The following SSBP3 variants were observed in gnomAD, a reference collection of about 807,000 sequenced individuals.
SSBP3 encodes single-stranded DNA-binding protein 3.
Under a neutral mutation model 69.6 loss-of-function variants are expected in SSBP3, and 5 were observed. The observed-to-expected ratio is 0.07, with a 90% CI of 0.04 to 0.15. SSBP3 has a LOEUF of 0.15. SSBP3 is among the 10% of genes least tolerant of loss of function. The probability of loss-of-function intolerance (pLI) is 1.00; values close to 1 mark genes in which losing one functional copy is unlikely to be tolerated. For missense variants in SSBP3, 312 were observed against 534.0 expected (o/e 0.58, Z 4.10); for synonymous variants, 196 against 193.4 (o/e 1.01, Z -0.11).
rs1488079462 is a variant in SSBP3, at chr1:54,266,706, TAGTGACATTAAGGCATTAATTA to T, written c.367-8579_367-8558del. On this transcript the variant is annotated intron_variant, in intron 5 of 17. Coordinates refer to ENST00000610401, the Ensembl canonical transcript of SSBP3. ...TTTACAAAGGGGGAAAACTGAAGTA[TAGTGACATTAAGGCATTAATTA>T]TCAGAGCCAAGATGTTATGCCCCTG... 1.7e-3 allele frequency among the ~76,000 whole-genome samples: 252 copies of T among 152,342 alleles called. 1 individual carries two copies. Among genetic ancestry groups the T allele is most frequent in the African/African-American group, 5.6e-3 (232 of 41,568 alleles).
chr1:54,390,364 G>A (rs1648396610), intron 4 of SSBP3, among the ~76,000 whole-genome samples: 1 of 152,046 alleles, frequency 6.6e-6, no homozygotes, highest in Non-Finnish European at 1.5e-5. Context: ...GGGACCCGCG[G>A]CAAACATCCT....
intron 4 of SSBP3, among the ~76,000 whole-genome samples, chr1:54,384,496 G>A (rs933120018): frequency 1.3e-5 from 2 of 152,244 alleles, no homozygotes; most frequent in Non-Finnish European, 2.9e-5. Flanking sequence ...CAGTTTACAA[G>A]ACCCACCATG....
rs114423997 is a variant in SSBP3, at chr1:54,387,457, C to A, written c.276+14404G>T. Among the ~76,000 whole-genome samples, 689 of 152,216 alleles carry A rather than the reference C, an allele frequency of 4.5e-3. 6 individuals carry two copies. Among genetic ancestry groups the A allele is most frequent in the African/African-American group, 0.016 (653 of 41,520 alleles). ...CTCCTACTCTACAGAAGGGCCTTCT[C>A]GGATTATTTTTCTTCAAAAAAACAT... On this transcript the variant is annotated intron_variant, in intron 4 of 17. Transcript: ENST00000610401.
intron 5 of SSBP3, among the ~76,000 whole-genome samples, chr1:54,266,197 T>A (rs1645101264): frequency 6.6e-6 from 1 of 152,178 alleles, no homozygotes; most frequent in African/African-American, 2.4e-5. Flanking sequence ...TGGTTCCAGG[T>A]CCAACCTGCT....
At chr1:54,410,335 G>C (rs1649957136), upstream of SSBP3, among the ~76,000 whole-genome samples, 1 of 152,216 alleles carries the variant, frequency 6.6e-6, no homozygotes, top group South Asian at 2.1e-4. Flanking sequence ...CCTCCAGAAG[G>C]AGGTGGTTAA....
intron 4 of SSBP3, among the ~76,000 whole-genome samples, chr1:54,397,600 C>T (rs939766381): frequency 2.6e-5 from 4 of 152,106 alleles, no homozygotes; most frequent in Non-Finnish European, 5.9e-5. Context: ...TGAGGTGGAG[C>T]ACACAACAGC....
intron 4 of SSBP3, among the ~76,000 whole-genome samples, chr1:54,386,683 CTT>C (rs58429798): frequency 0.14 from 10,830 of 76,058 alleles, 1,410 homozygotes; most frequent in East Asian, 0.37. Flanking sequence ...ACTGATCCTA[CTT>C]TTTTTTTTTT....
chr1:54,329,824 G>A (rs760307718), intron 4 of SSBP3, among the ~76,000 whole-genome samples: 1 of 152,212 alleles, frequency 6.6e-6, no homozygotes, highest in Non-Finnish European at 1.5e-5. Flanking sequence ...GACAAGCCTG[G>A]TTGGCTGTCC....
intron 11 of SSBP3, 80 bp downstream of exon 11, chr1:54,242,084 C>T: frequency 6.6e-7 from 1 of 1,525,782 alleles, no homozygotes; most frequent in Non-Finnish European, 9.0e-7. Context: ...CCCGTGACAC[C>T]TACACCCAGG....
chr1:54,226,592 G>A (rs1248475817), exon 18 of SSBP3: 1 of 157,494 alleles, frequency 6.3e-6, no homozygotes, highest in Admixed American at 6.2e-5. Flanking sequence ...ACCTAGACTA[G>A]CTTTTCTGGT....
At chr1:54,330,933 G>A (rs1176568632) in intron 4 of SSBP3, among the ~76,000 whole-genome samples, 1 of 152,220 alleles carries the variant, frequency 6.6e-6, no homozygotes, top group Non-Finnish European at 1.5e-5. Flanking sequence ...TGATTCGGCA[G>A]AGCCTGGAAG....
chr1:54,253,837 C>T (rs1644873402), intron 7 of SSBP3, among the ~76,000 whole-genome samples: 1 of 152,236 alleles, frequency 6.6e-6, no homozygotes, highest in Non-Finnish European at 1.5e-5. Context: ...GCTTGGCAGT[C>T]ACTCTCTCCA....
intron 4 of SSBP3, among the ~76,000 whole-genome samples, chr1:54,355,991 C>A (rs1646857180): frequency 6.6e-6 from 1 of 152,160 alleles, no homozygotes; most frequent in Non-Finnish European, 1.5e-5. Flanking sequence ...GCAGGAACAG[C>A]AAGCTTTAAG....
At chr1:54,314,130 G>C (rs1328749781) in intron 4 of SSBP3, among the ~76,000 whole-genome samples, 2 of 152,180 alleles carry the variant, frequency 1.3e-5, no homozygotes, top group Non-Finnish European at 2.9e-5. Flanking sequence ...GCCAGCCAAG[G>C]GGGGCTTAGC....
Position 54,289,130 on chromosome 1 carries a change from G to C in SSBP3, c.277-7603C>G, listed in dbSNP as rs1189844819. On this transcript the variant is annotated intron_variant, in intron 4 of 17. Transcript: ENST00000610401. ...GCTTTGACTCTTATGAAAAGAAATAGCCGGCACTTCATTAAACACATGAGA... is the reference window on the plus strand; with the variant it reads ...GCTTTGACTCTTATGAAAAGAAATACCCGGCACTTCATTAAACACATGAGA... Among the ~76,000 whole-genome samples, 8 of 150,772 alleles carry C rather than the reference G, an allele frequency of 5.3e-5. No individual in the cohort carries two copies. In the East Asian group the frequency reaches 1.6e-3, roughly 30 times the overall value.
intron 4 of SSBP3, among the ~76,000 whole-genome samples, chr1:54,304,262 G>A (rs979306966): frequency 2.0e-5 from 3 of 152,178 alleles, no homozygotes; most frequent in African/African-American, 7.2e-5. Context: ...CAGGCGGCGA[G>A]GCTGTTTACC....
chr1:54,397,020 A>C (rs557601422), intron 4 of SSBP3, among the ~76,000 whole-genome samples: 1 of 152,208 alleles, frequency 6.6e-6, no homozygotes, highest in Non-Finnish European at 1.5e-5. Context: ...GAGCTTAAAG[A>C]GGGGCTGCAA....
intron 4 of SSBP3, among the ~76,000 whole-genome samples, chr1:54,282,739 G>A (rs1460120923): frequency 2.0e-5 from 3 of 152,172 alleles, no homozygotes; most frequent in Non-Finnish European, 4.4e-5. Context: ...ACTGATTCTA[G>A]GCCTTCAGGG....
chr1:54,315,686 G>A (rs1211945389), intron 4 of SSBP3, among the ~76,000 whole-genome samples: 1 of 151,518 alleles, frequency 6.6e-6, no homozygotes, highest in African/African-American at 2.4e-5. Context: ...TAAAGACAGG[G>A]TCTCTTGCTC....
Sources: gnomAD v4.1 joint callset for allele counts (sites outside exome capture counted in the v4.1 genomes callset) on GRCh38, gnomAD v4.1.1 for gene constraint, MANE v1.5 for transcripts, NCBI Gene and HGNC (gene_info 2026-07-23, HGNC 2026-07-21) for gene names.